Variants in PRPF18 observed in about 807,000 individuals in gnomAD.
PRPF18 encodes the protein pre-mRNA-splicing factor 18.
In PRPF18, 38 loss-of-function variants were observed where a neutral mutation model predicts 46.5. The ratio of observed to expected loss-of-function variants is 0.82; its 90% CI spans 0.63 to 1.07. PRPF18 has a LOEUF of 1.07. Ranked by LOEUF, PRPF18 falls within the 50% of genes least tolerant of loss-of-function variation. The pLI is 0.00. For missense variants in PRPF18, 263 were observed against 410.0 expected, an observed-to-expected ratio of 0.64 and a Z score of 3.10; for synonymous variants, 152 against 146.7, an observed-to-expected ratio of 1.04 and a Z score of -0.26.
At chr10:13,654,916 C>G in the PRPF18 span, 1 of 191,044 alleles carries the variant, frequency 5.2e-6, no homozygotes, top group Non-Finnish European at 1.1e-5. Flanking sequence ...GGGCATATTT[C>G]TCTGGCCCCA....
chr10:13,652,289 A>G, the PRPF18 span: 488 of 397,302 alleles, frequency 1.2e-3, 12 homozygotes, highest in South Asian at 0.012. Context: ...CACTAGTTGT[A>G]GGTGGTGAAA....
chr10:13,639,387 T>C, the PRPF18 span: 6 of 152,242 alleles, frequency 3.9e-5, no homozygotes, highest in Admixed American at 2.6e-4. Flanking sequence ...GTATCTGTTA[T>C]AGATGTGAAA....
the PRPF18 span, chr10:13,647,793 TTCTTAAA>T: frequency 6.6e-6 from 1 of 151,004 alleles, no homozygotes; most frequent in Non-Finnish European, 1.5e-5. Flanking sequence ...GTAGAAGTAA[TTCTTAAA>T]TCTTAAGAAG....
intron 1 of PRPF18, among the ~76,000 whole-genome samples, chr10:13,588,050 C>T (rs1055331922): frequency 6.6e-6 from 1 of 152,134 alleles, no homozygotes; most frequent in Admixed American, 6.5e-5. Flanking sequence ...TGTTGGCATT[C>T]TGCGGACGTG....
chr10:13,627,107 C>G (rs1318996569), intron 9 of PRPF18, among the ~76,000 whole-genome samples: 1 of 152,222 alleles, frequency 6.6e-6, no homozygotes, highest in Non-Finnish European at 1.5e-5. Flanking sequence ...TCGTGTTGCT[C>G]TGTTGTTCAG....
At chr10:13,633,338 A>G (rs1202799032), downstream of PRPF18, among the ~76,000 whole-genome samples, 1 of 152,198 alleles carries the variant, frequency 6.6e-6, no homozygotes, top group African/African-American at 2.4e-5. Flanking sequence ...TTTTAATGCT[A>G]AGCTCTGCCT....
the PRPF18 span, chr10:13,651,867 T>C: frequency 2.0e-6 from 2 of 1,021,360 alleles, no homozygotes; most frequent in Non-Finnish European, 3.1e-6. Flanking sequence ...GACCACAGAC[T>C]CATGGGCAGT....
chr10:13,653,570 A>T, the PRPF18 span: 2 of 152,272 alleles, frequency 1.3e-5, no homozygotes. Flanking sequence ...CTCATGATTC[A>T]ACTCACAGCC....
chr10:13,642,520 G>A, the PRPF18 span: 2 of 150,572 alleles, frequency 1.3e-5, no homozygotes, highest in South Asian at 2.1e-4. Context: ...TTAAATGTTC[G>A]GAATCACCTT....
chr10:13,587,392 G>A (rs1331224978), intron 1 of PRPF18, among the ~76,000 whole-genome samples: 1 of 152,174 alleles, frequency 6.6e-6, no homozygotes, highest in African/African-American at 2.4e-5. Flanking sequence ...TCCCAAAGCT[G>A]GATCAAAAGG....
chr10:13,628,316 C>G (rs181523158), intron 9 of PRPF18, among the ~76,000 whole-genome samples: 3 of 152,240 alleles, frequency 2.0e-5, no homozygotes, highest in East Asian at 1.9e-4. Context: ...GATTATGGCT[C>G]CATTCATAGA....
chr10:13,654,977 G>C, the PRPF18 span: 3 of 164,552 alleles, frequency 1.8e-5, no homozygotes, highest in African/African-American at 7.2e-5. Flanking sequence ...CCATTGTGAA[G>C]AGAGGGCATC....
At chr10:13,595,045 A>C (rs968302175) in intron 1 of PRPF18, among the ~76,000 whole-genome samples, 1 of 152,174 alleles carries the variant, frequency 6.6e-6, no homozygotes, top group Admixed American at 6.5e-5. Context: ...GAGAAACTAG[A>C]CTTTTTATTT....
At chr10:13,633,704 A>G (rs1253615584), downstream of PRPF18, among the ~76,000 whole-genome samples, 3 of 152,142 alleles carry the variant, frequency 2.0e-5, no homozygotes, top group African/African-American at 7.2e-5. Context: ...TGTCTGGTAA[A>G]CACAACTTAA....
chr10:13,631,136 C>T (rs537898914), downstream of PRPF18: 2 of 152,398 alleles, frequency 1.3e-5, no homozygotes, highest in African/African-American at 4.8e-5. Flanking sequence ...TGTTCCCAGC[C>T]ACACCCGCCA....
At chr10:13,637,861 T>C in the PRPF18 span, 3 of 152,370 alleles carry the variant, frequency 2.0e-5, no homozygotes, top group East Asian at 5.8e-4. Context: ...AACTGTTGTA[T>C]TGGATTATTT....
chr10:13,611,709 G>A, intron 6 of PRPF18, 26 bp downstream of exon 6: 8 of 1,588,074 alleles, frequency 5.0e-6, no homozygotes, highest in Non-Finnish European at 6.9e-6. Flanking sequence ...GAGGGGATGA[G>A]GATGCCTTGG....
At chr10:13,609,109 T>C (rs894063327) in intron 4 of PRPF18, among the ~76,000 whole-genome samples, 4 of 152,248 alleles carry the variant, frequency 2.6e-5, no homozygotes, top group African/African-American at 9.6e-5. Flanking sequence ...ATGCTTTTTG[T>C]GTGAGAACGT....
chr10:13,655,820 T>G, the PRPF18 span: 1 of 152,202 alleles, frequency 6.6e-6, no homozygotes. Flanking sequence ...CTCCTCAGTG[T>G]CCCTCTCTGA....
Sources: allele counts gnomAD v4.1 joint callset (sites outside exome capture counted in the v4.1 genomes callset), GRCh38; gene constraint gnomAD v4.1.1; transcripts MANE v1.5; gene names NCBI Gene and HGNC (gene_info 2026-07-23, HGNC 2026-07-21).